The following ATXN1 variants were observed in gnomAD, a reference collection of about 807,000 sequenced individuals.
The protein encoded by ATXN1 is ataxin-1.
ATXN1 carries 8 observed loss-of-function variants against 56.4 expected under a neutral mutation model. That is an observed-to-expected ratio of 0.14 (90% CI 0.08 to 0.26). The LOEUF (loss-of-function observed/expected upper bound fraction) is 0.26. ATXN1 is among the 10% of genes least tolerant of loss of function. The probability of loss-of-function intolerance (pLI) is 1.00; values close to 1 mark genes in which losing one functional copy is unlikely to be tolerated. For synonymous variants in ATXN1, 514 were observed against 494.6 expected (o/e 1.04, Z -0.52); for missense variants, 987 against 1,106.5 (o/e 0.89, Z 1.53).
intron 5 of ATXN1, among the ~76,000 whole-genome samples, chr6:16,512,658 G>T (rs1049194442): frequency 6.6e-6 from 1 of 152,148 alleles, no homozygotes; most frequent in African/African-American, 2.4e-5. Flanking sequence ...TATATAGCAG[G>T]CTCTGTGGTC....
intron 1 of ATXN1, among the ~76,000 whole-genome samples, chr6:16,759,051 C>G (rs2113550326): frequency 6.6e-6 from 1 of 152,320 alleles, no homozygotes; most frequent in African/African-American, 2.4e-5. Context: ...TTAAGGGGGG[C>G]TTCTAGGAAC....
At chr6:16,744,922 T>C (rs1189721576) in intron 2 of ATXN1, among the ~76,000 whole-genome samples, 1 of 152,186 alleles carries the variant, frequency 6.6e-6, no homozygotes, top group Non-Finnish European at 1.5e-5. Context: ...GAAGTAGCTG[T>C]AGCAAATAGG....
chr6:16,323,510 G>A (rs1031535906), intron 7 of ATXN1, among the ~76,000 whole-genome samples: 1 of 108,666 alleles, frequency 9.2e-6, no homozygotes, highest in African/African-American at 3.7e-5. Context: ...GGGTGACAGA[G>A]CAAGACTCTG....
At chr6:16,515,570 G>C (rs1439149992) in intron 5 of ATXN1, among the ~76,000 whole-genome samples, 1 of 152,188 alleles carries the variant, frequency 6.6e-6, no homozygotes, top group Admixed American at 6.5e-5. Context: ...TCTTTGGTCT[G>C]ACACATGTGG....
intron 3 of ATXN1, among the ~76,000 whole-genome samples, chr6:16,637,144 C>G (rs573327165): frequency 6.6e-6 from 1 of 152,118 alleles, no homozygotes; most frequent in African/African-American, 2.4e-5. Context: ...GGCACATATA[C>G]ACCATGGAAT....
At chr6:16,709,469 G>C (rs1759478958) in intron 2 of ATXN1, among the ~76,000 whole-genome samples, 1 of 152,092 alleles carries the variant, frequency 6.6e-6, no homozygotes, top group African/African-American at 2.4e-5. Context: ...TATCCTGATT[G>C]TGGTGGTAGT....
At chr6:16,445,505 ATTTCTTTTTTT>A (rs1759614766) in intron 6 of ATXN1, among the ~76,000 whole-genome samples, 1 of 151,710 alleles carries the variant, frequency 6.6e-6, no homozygotes, top group South Asian at 2.1e-4. Flanking sequence ...TGTGTTTGAT[ATTTCTTTTTTT>A]TTTAAGTTTT....
chr6:16,722,844 G>A (rs1363704664), intron 2 of ATXN1, among the ~76,000 whole-genome samples: 1 of 152,184 alleles, frequency 6.6e-6, no homozygotes, highest in Non-Finnish European at 1.5e-5. Flanking sequence ...CCATGGCTGA[G>A]AATGCAGTGT....
At chr6:16,589,033 A>G (rs563561487) in intron 3 of ATXN1, among the ~76,000 whole-genome samples, 116 of 151,840 alleles carry the variant, frequency 7.6e-4, no homozygotes, top group Non-Finnish European at 1.4e-3. Flanking sequence ...CCCTGACCCC[A>G]TCTTGTTTCC....
At chr6:16,715,154 C>T (rs974325237) in intron 2 of ATXN1, among the ~76,000 whole-genome samples, 1 of 152,136 alleles carries the variant, frequency 6.6e-6, no homozygotes, top group Non-Finnish European at 1.5e-5. Flanking sequence ...ATCTAAAATA[C>T]ATCTGCATAT....
At chr6:16,607,519 T>C (rs896755545) in intron 3 of ATXN1, among the ~76,000 whole-genome samples, 1 of 152,170 alleles carries the variant, frequency 6.6e-6, no homozygotes, top group Non-Finnish European at 1.5e-5. Context: ...CATGTGTAAC[T>C]TCAAAATGGA....
chr6:16,650,300 C>T (rs1763871881), intron 3 of ATXN1, among the ~76,000 whole-genome samples: 3 of 152,182 alleles, frequency 2.0e-5, no homozygotes, highest in Admixed American at 2.0e-4. Flanking sequence ...ATAAGGAATT[C>T]CTAGGGGCCT....
intron 5 of ATXN1, among the ~76,000 whole-genome samples, chr6:16,499,343 A>G (rs1184222756): frequency 6.6e-6 from 1 of 152,208 alleles, no homozygotes; most frequent in Non-Finnish European, 1.5e-5. Context: ...ACATTATTTT[A>G]AAAATTAATT....
chr6:16,422,485 CT>C (rs1390845355), intron 6 of ATXN1, among the ~76,000 whole-genome samples: 1 of 152,156 alleles, frequency 6.6e-6, no homozygotes, highest in Non-Finnish European at 1.5e-5. Flanking sequence ...AAAGTTCACC[CT>C]TTCTTGGAGA....
chr6:16,378,796 G>C (rs1406151338), intron 6 of ATXN1, among the ~76,000 whole-genome samples: 2 of 152,028 alleles, frequency 1.3e-5, no homozygotes, highest in African/African-American at 4.8e-5. Flanking sequence ...CTGGGTTCAA[G>C]CAGTCCTCCC....
intron 4 of ATXN1, among the ~76,000 whole-genome samples, chr6:16,541,589 T>C (rs1250281578): frequency 6.6e-6 from 1 of 152,074 alleles, no homozygotes; most frequent in Non-Finnish European, 1.5e-5. Context: ...CTTTGAGAAA[T>C]CTGGGATTCT....
At chr6:16,393,410 T>C (rs529466542) in intron 6 of ATXN1, among the ~76,000 whole-genome samples, 191 of 152,216 alleles carry the variant, frequency 1.3e-3, no homozygotes, top group African/African-American at 4.4e-3. Context: ...AATTTTTAAA[T>C]TTTTTTGTAG....
chr6:16,394,259 C>T (rs1353846808), intron 6 of ATXN1, among the ~76,000 whole-genome samples: 4 of 152,178 alleles, frequency 2.6e-5, no homozygotes, highest in African/African-American at 4.8e-5. Flanking sequence ...TTCCCGGTCA[C>T]GTGCATCATG....
intron 6 of ATXN1, among the ~76,000 whole-genome samples, chr6:16,329,884 A>C (rs947258624): frequency 5.9e-5 from 9 of 152,230 alleles, no homozygotes; most frequent in Non-Finnish European, 1.3e-4. Context: ...CAAGAGGCCA[A>C]ATATCAGTGG....
Sources: allele counts gnomAD v4.1 joint callset (sites outside exome capture counted in the v4.1 genomes callset), GRCh38; gene constraint gnomAD v4.1.1; transcripts MANE v1.5; gene names NCBI Gene and HGNC (gene_info 2026-07-23, HGNC 2026-07-21).